Variants in AATK observed in about 807,000 individuals in gnomAD.
AATK encodes serine/threonine-protein kinase LMTK1.
AATK carries 91 observed loss-of-function variants against 114.3 expected under a neutral mutation model. The observed-to-expected ratio is 0.80, with a 90% CI of 0.67 to 0.95. The LOEUF (loss-of-function observed/expected upper bound fraction) is 0.95. AATK is among the 40% of genes least tolerant of loss of function. The probability of loss-of-function intolerance (pLI) is 0.00; values close to 1 mark genes in which losing one functional copy is unlikely to be tolerated. For missense variants in AATK, 2,176 were observed against 1,965.2 expected, an observed-to-expected ratio of 1.11 and a Z score of -2.03; for synonymous variants, 1,075 against 916.5, an observed-to-expected ratio of 1.17 and a Z score of -3.12.
rs1381267040 is a variant in AATK, at chr17:81,140,733, TGGGGCCGG to T, written c.56-6240_56-6233del. ...GGTGAGACCGTGGGGCTGTGAGCCG[TGGGGCCGG>T]GAGACCGTGGGGCCGTGAGCCGTGG... On this transcript the variant is annotated intron_variant, in intron 1 of 13. Coordinates refer to ENST00000326724, the MANE Select transcript of AATK (RefSeq NM_001080395.3). Among the ~76,000 whole-genome samples the T allele has an allele frequency of 2.9e-3, 132 of 45,920 alleles. 1 individual carries two copies. The highest frequency in any genetic ancestry group is 8.8e-3 in the African/African-American group (89 of 10,062). 30.1% of individuals were successfully genotyped at this position (45,920 alleles called of 152,430 possible). A position where few individuals can be genotyped will look rare whatever the true frequency, so the allele number is the denominator to read the frequency against.
At position 81,120,815 on chromosome 17, in the gene AATK, G is replaced by T; in HGVS notation, c.3121C>A (p.Pro1041Thr). The T allele has an allele frequency of 1.9e-6, 3 of 1,574,670 alleles. No individual in the cohort carries two copies. Among genetic ancestry groups the T allele is most frequent in the Non-Finnish European group, 2.6e-6 (3 of 1,160,698 alleles). Residue 1041 changes from proline (P) to threonine (T), a missense_variant, in exon 11 of 14, where the codon CCT becomes ACT. By Grantham distance (38) the Pro-to-Thr change is conservative. Transcript: ENST00000326724. The part of the protein sequence containing the change: ...GQPSEQVCLR[P>T]GVSGEAQGSG... ...CCTTGTGCCTCCCCGGAAACCCCAGGCCTGAGACAGACCTGCTCAGACGGC... is the reference window on the plus strand; with the variant it reads ...CCTTGTGCCTCCCCGGAAACCCCAGTCCTGAGACAGACCTGCTCAGACGGC...
chr17:81,119,334 C>T (rs768489433), intron 13 of AATK, 46 bp downstream of exon 13: 6 of 1,515,076 alleles, frequency 4.0e-6, no homozygotes, highest in Admixed American at 2.1e-5. Flanking sequence ...AGCTCCGTGC[C>T]CTGCCTCCCG....
Position 81,131,136 on chromosome 17 carries a change from G to C in AATK, c.259C>G (p.Gln87Glu). 7 of 1,572,108 alleles carry C rather than the reference G, an allele frequency of 4.5e-6. No individual in the cohort carries two copies. Among genetic ancestry groups the C allele is most frequent in the Non-Finnish European group, 5.2e-6 (6 of 1,159,496 alleles). ...LAQGSPATAA[Q>E]NGPDVYVLPL... ...AGGACGTACACGTCGGGCCCGTTCTGTGCTGCCGTGGCCGGGGAGCCCTGC... is the reference window on the plus strand; with the variant it reads ...AGGACGTACACGTCGGGCCCGTTCTCTGCTGCCGTGGCCGGGGAGCCCTGC... Residue 87 changes from glutamine (Q) to glutamate (E), a missense_variant, in exon 3 of 14, where the codon CAG (glutamine) becomes GAG (glutamate). This residue lies in a region of AATK where 178 missense variants were observed against 175.4 expected (regional missense o/e 1.01). Coordinates refer to ENST00000326724, the MANE Select transcript of AATK (RefSeq NM_001080395.3).
intron 3 of AATK, chr17:81,128,813 G>A: frequency 7.9e-7 from 1 of 1,260,380 alleles, no homozygotes; most frequent in Non-Finnish European, 1.0e-6. Context: ...TGAAGCCACT[G>A]GGATAGCCCG....
chr17:81,138,909 G>A (rs2061078149), intron 1 of AATK, among the ~76,000 whole-genome samples: 1 of 149,980 alleles, frequency 6.7e-6, no homozygotes, highest in Non-Finnish European at 1.5e-5. Context: ...AACCACACAT[G>A]CGTAGACAGA....
At chr17:81,133,045 AGGCGCCTGCGCGGCCTGGCCTGGCCCCT>A in intron 2 of AATK, 1 of 316,584 alleles carries the variant, frequency 3.2e-6, no homozygotes. Context: ...ATCCCCAGGA[AGGCGCCTGCGCGGCCTGGCCTGGCCCCT>A]GGTGCCAGCG....
At chr17:81,131,232 G>T (rs1414767361) in intron 2 of AATK, 27 bp from the exon 3 acceptor site, 2 of 1,552,410 alleles carry the variant, frequency 1.3e-6, no homozygotes, top group East Asian at 2.3e-5. Flanking sequence ...GCATGAGCGG[G>T]GCTTCTCGCA....
In AATK at chr17:81,120,049, G is replaced by C. The variant is rs549009345; in HGVS notation, c.3770C>G (p.Pro1257Arg). Reference protein sequence around the residue: ...SPTRELGEPFPGAKESPPTFL... With the variant: ...SPTRELGEPFRGAKESPPTFL... The stretch of plus-strand genomic sequence containing the variant: ...CGTAGGGGGCGATTCCTTGGCGCCC[G>C]GGAAGGGCTCCCCGAGCTCCCGGGT... Residue 1257 changes from proline to arginine, a missense_variant, in exon 12 of 14, where the codon CCG becomes CGG. This residue lies in a region of AATK where 1,701 missense variants were observed against 1,394.7 expected (regional missense o/e 1.22). Coordinates refer to ENST00000326724, the MANE Select transcript of AATK (RefSeq NM_001080395.3). 2.1e-6 allele frequency: 3 copies of C among 1,456,354 alleles called. No homozygotes were observed. Among genetic ancestry groups the C allele is most frequent in the Non-Finnish European group, 1.8e-6 (2 of 1,101,798 alleles). 90.2% of individuals were successfully genotyped at this position (1,456,354 alleles called of 1,614,324 possible). A position where few individuals can be genotyped will look rare whatever the true frequency, so the allele number is the denominator to read the frequency against.
chr17:81,121,346 C>T lies in AATK; in HGVS notation c.2590G>A (p.Ala864Thr), dbSNP rs2060697504. The T allele has an allele frequency of 1.2e-6, 2 of 1,611,906 alleles. No individual in the cohort carries two copies. Among genetic ancestry groups the T allele is most frequent in the Admixed American group, 1.7e-5 (1 of 59,958 alleles). ...EAPSSEDEDT[A>T]EATSGIFTDT... is the part of the protein sequence containing the mutation. ...GTGAAGATGCCTGAGGTGGCCTCGG[C>T]CGTGTCCTCATCCTCACTGCTGGGT... Residue 864 changes from alanine to threonine, a missense_variant, in exon 11 of 14, where the codon GCC becomes ACC. Coordinates refer to ENST00000326724, the MANE Select transcript of AATK (RefSeq NM_001080395.3).
intron 6 of AATK, 123 bp downstream of exon 6, chr17:81,127,460 C>T (rs2060858600): frequency 1.0e-6 from 1 of 967,708 alleles, no homozygotes; most frequent in South Asian, 1.4e-5. Context: ...GGGCAGGGTC[C>T]CTGGGTCTTG....
chr17:81,119,622 G>A, intron 12 of AATK, 42 bp from the exon 13 acceptor site: 1 of 1,519,342 alleles, frequency 6.6e-7, no homozygotes, highest in Non-Finnish European at 8.8e-7. Flanking sequence ...CACAGCCTGG[G>A]ACCCCGGCCC....
chr17:81,142,716 A>G (rs1598953538), intron 1 of AATK, among the ~76,000 whole-genome samples: 1 of 151,716 alleles, frequency 6.6e-6, no homozygotes, highest in African/African-American at 2.4e-5. Flanking sequence ...AGTCAGTCCC[A>G]CCCTCCTGGG....
intron 3 of AATK, among the ~76,000 whole-genome samples, chr17:81,129,367 C>T (rs1254222355): frequency 6.6e-6 from 1 of 152,158 alleles, no homozygotes; most frequent in African/African-American, 2.4e-5. Flanking sequence ...CTGGGGCGCC[C>T]AGGCCCACAC....
chr17:81,125,904 C>T (rs2060811098), intron 7 of AATK: 2 of 471,924 alleles, frequency 4.2e-6, no homozygotes, highest in Non-Finnish European at 8.8e-6. Flanking sequence ...ATCACTGATG[C>T]TGGAGTCGCC....
intron 1 of AATK, among the ~76,000 whole-genome samples, chr17:81,163,177 C>A (rs568748048): frequency 6.6e-6 from 1 of 152,298 alleles, no homozygotes; most frequent in East Asian, 1.9e-4. Context: ...CGGAGCGAGG[C>A]GGTGTCCCCA....
rs751486759 is a variant in AATK, at chr17:81,119,422, A to G, written c.4042T>C (p.Ser1348Pro). ...TVSPAPTSRFSITHVSDSDAE... is the reference protein window; with the variant it reads ...TVSPAPTSRFPITHVSDSDAE... ...TCCGAGTCAGACACGTGCGTGATGG[A>G]GAAGCGGGACGTGGGCGCGGGCGAC... The change falls in exon 13 of 14, where the codon TCC becomes CCC. Residue 1348 changes from serine (S) to proline (P), a missense_variant. Ser to Pro is a moderately conservative substitution (Grantham distance 74, BLOSUM62 -1). This residue lies in a region of AATK where 1,701 missense variants were observed against 1,394.7 expected (regional missense o/e 1.22). Coordinates refer to ENST00000326724, the MANE Select transcript of AATK (RefSeq NM_001080395.3). 1 of 1,536,902 alleles carries G rather than the reference A, an allele frequency of 6.5e-7. No individual in the cohort carries two copies. The highest frequency in any genetic ancestry group is 8.7e-7 in the Non-Finnish European group (1 of 1,148,778).
Position 81,123,174 on chromosome 17 carries a change from C to A in AATK, c.1112+20G>T, listed in dbSNP as rs753766745. ...CCCATCTCGGCCTGGCTGTCCGGGA[C>A]AGGGCAGTGGGGCCCTCACCAGCGG... On this transcript the variant is annotated intron_variant, in intron 10 of 13. Transcript: ENST00000326724. The A allele has an allele frequency of 2.1e-6, 3 of 1,419,928 alleles. No individual in the cohort carries two copies. Among genetic ancestry groups the A allele is most frequent in the Non-Finnish European group, 2.7e-6 (3 of 1,091,010 alleles). 88.0% of individuals were successfully genotyped at this position (1,419,928 alleles called of 1,614,324 possible). A position where few individuals can be genotyped will look rare whatever the true frequency, so the allele number is the denominator to read the frequency against.
intron 1 of AATK, among the ~76,000 whole-genome samples, chr17:81,146,183 C>T (rs2061216574): frequency 7.9e-6 from 1 of 125,912 alleles, no homozygotes; most frequent in African/African-American, 2.9e-5. Flanking sequence ...AGCGAGACTC[C>T]ATATTAAAAA....
At position 81,126,356 on chromosome 17, in the gene AATK, C is replaced by T; in HGVS notation, c.755+71G>A. 1 of 1,504,886 alleles carries T rather than the reference C, an allele frequency of 6.6e-7. No individual in the cohort carries two copies. The highest frequency in any genetic ancestry group is 8.9e-7 in the Non-Finnish European group (1 of 1,120,150). The allele number at this position is 1,504,886 out of a possible 1,614,324, so 93.2% of individuals were successfully genotyped here. Reference sequence around the variant, plus strand: ...CGCAAGCCCCCTGAGGCAGGACCCGCCCTATGCCCTTCCTTCAGGGGAGGG... The same window carrying T: ...CGCAAGCCCCCTGAGGCAGGACCCGTCCTATGCCCTTCCTTCAGGGGAGGG... On this transcript the variant is annotated intron_variant, in intron 7 of 13. Coordinates refer to ENST00000326724, the MANE Select transcript of AATK (RefSeq NM_001080395.3). This position sits in a 1 kb window ranked among gnomAD's most constrained non-coding sequence, Gnocchi z 5.1.
Sources: gnomAD v4.1 joint callset for allele counts (sites outside exome capture counted in the v4.1 genomes callset) on GRCh38, gnomAD v4.1.1 for gene constraint, gnomAD v4.1.1 regional missense constraint, Gnocchi (gnomAD v3.1) non-coding constraint, MANE v1.5 for transcripts, NCBI Gene and HGNC (gene_info 2026-07-23, HGNC 2026-07-21) for gene names.